ASIC5: variants seen among roughly 807,000 people sequenced by gnomAD.
The protein encoded by ASIC5 is acid sensing ion channel subunit family member 5, also known as bile acid-sensitive ion channel.
In ASIC5, 52 loss-of-function variants were observed where a neutral mutation model predicts 51.2. The observed-to-expected ratio is 1.02, with a 90% CI of 0.81 to 1.28. ASIC5 has a LOEUF of 1.28. Among genes scored for constraint, ASIC5 ranks in the 50% most tolerant of loss-of-function variants. The pLI, the probability that ASIC5 is intolerant of heterozygous loss-of-function variation, is 0.00. For synonymous variants in ASIC5, 231 were observed against 200.7 expected (o/e 1.15, Z -1.28); for missense variants, 635 against 595.0 (o/e 1.07, Z -0.70).
intron 9 of ASIC5, among the ~76,000 whole-genome samples, 167 bp from the exon 10 acceptor site, chr4:155,830,213 C>G (rs1334320129): frequency 1.3e-5 from 2 of 151,912 alleles, no homozygotes; most frequent in African/African-American, 4.8e-5. Flanking sequence ...TTGGTAATAT[C>G]AAAGTGGTAT....
chr4:155,852,396 T>C, intron 3 of ASIC5, 80 bp from the exon 4 acceptor site: 1 of 1,298,740 alleles, frequency 7.7e-7, no homozygotes. Flanking sequence ...ACCTTTTTTT[T>C]TAAAGCACAA....
At position 155,863,563 on chromosome 4, in the gene ASIC5, A is replaced by G. The variant is rs747396952; in HGVS notation, c.232T>C (p.Trp78Arg). 6.2e-7 allele frequency: 1 copy of G among 1,613,676 alleles called. No homozygotes were observed. Among genetic ancestry groups the G allele is most frequent in the Non-Finnish European group, 8.5e-7 (1 of 1,179,842 alleles). The change falls in exon 2 of 10, where the codon TGG (tryptophan) becomes CGG (arginine). Residue 78 changes from tryptophan to arginine, a missense_variant. By Grantham distance (101) the Trp-to-Arg change is moderately radical (BLOSUM62 -3). Transcript: ENST00000537611. ...VVLGSVSLVT[W>R]QIYIRLLNYF... ...TTGAGCAAGCGAATGTAGATCTGCC[A>G]TGTCACAAGTGAGACTGAGCCCAGA...
At chr4:155,864,913 A>C (rs1482642388) in intron 1 of ASIC5, 1 of 152,138 alleles carries the variant, frequency 6.6e-6, no homozygotes, top group Admixed American at 6.6e-5. Context: ...AGGTGAATTA[A>C]CTTTTATATC....
intron 2 of ASIC5, among the ~76,000 whole-genome samples, chr4:155,857,595 G>A (rs1044739045): frequency 2.6e-5 from 4 of 151,978 alleles, no homozygotes; most frequent in Non-Finnish European, 5.9e-5. Context: ...CTGCTAACCA[G>A]TTATTAGATA....
chr4:155,865,687 T>C (rs1741845124), intron 1 of ASIC5, among the ~76,000 whole-genome samples: 2 of 152,244 alleles, frequency 1.3e-5, no homozygotes, highest in South Asian at 4.1e-4. Context: ...ATAGAGTTTT[T>C]TTTATTATTG....
At chr4:155,844,425 C>T (rs887532195) in intron 4 of ASIC5, among the ~76,000 whole-genome samples, 3 of 152,072 alleles carry the variant, frequency 2.0e-5, no homozygotes, top group Non-Finnish European at 4.4e-5. Context: ...TCAGCTTGGG[C>T]CCCATCACTA....
At chr4:155,845,438 T>G (rs114322282) in intron 4 of ASIC5, among the ~76,000 whole-genome samples, 2,393 of 151,192 alleles carry the variant, frequency 0.016, 33 homozygotes, top group South Asian at 0.046. Context: ...CTGAATTCCG[T>G]TTTCACCTGA....
intron 8 of ASIC5, among the ~76,000 whole-genome samples, chr4:155,832,584 T>C (rs1406258424): frequency 6.6e-6 from 1 of 152,204 alleles, no homozygotes; most frequent in African/African-American, 2.4e-5. Flanking sequence ...CCTAGACCCC[T>C]ACCTTGAACT....
At chr4:155,838,666 C>T (rs1579285208) in intron 7 of ASIC5, 147 bp downstream of exon 7, 1 of 482,516 alleles carries the variant, frequency 2.1e-6, no homozygotes, top group Non-Finnish European at 3.7e-6. Context: ...TTGTTAGCTA[C>T]TATTTAAGAA....
intron 4 of ASIC5, among the ~76,000 whole-genome samples, chr4:155,846,203 T>C (rs540889628): frequency 1.8e-4 from 28 of 152,114 alleles, no homozygotes; most frequent in Non-Finnish European, 3.4e-4. Flanking sequence ...AGTAAAGTAA[T>C]ATCAGAAATG....
chr4:155,863,433 A>G lies in ASIC5; in HGVS notation c.347+15T>C. Reference sequence around the variant, plus strand: ...ATTTATAGGAACTAATTATTTTTAAAAAAGTAATTTTTACCTGTTCAAATT... The same window carrying G: ...ATTTATAGGAACTAATTATTTTTAAGAAAGTAATTTTTACCTGTTCAAATT... On this transcript the variant is annotated intron_variant, in intron 2 of 9. Coordinates refer to ENST00000537611, the MANE Select transcript of ASIC5 (RefSeq NM_017419.3). The G allele has an allele frequency of 6.3e-7, 1 of 1,587,610 alleles. No individual in the cohort carries two copies. The highest frequency in any genetic ancestry group is 1.4e-5 in the African/African-American group (1 of 73,782).
intron 2 of ASIC5, among the ~76,000 whole-genome samples, chr4:155,858,396 C>A (rs1209809492): frequency 6.6e-6 from 1 of 152,004 alleles, no homozygotes; most frequent in Non-Finnish European, 1.5e-5. Context: ...TATGGCTGTG[C>A]TATGGAACAT....
chr4:155,854,914 A>C (rs1343502641), intron 2 of ASIC5: 1 of 152,186 alleles, frequency 6.6e-6, no homozygotes, highest in Non-Finnish European at 1.5e-5. Context: ...GGTCATTCAC[A>C]CCATCAAGAT....
intron 6 of ASIC5, among the ~76,000 whole-genome samples, chr4:155,841,426 C>A (rs964312315): frequency 6.6e-6 from 1 of 152,090 alleles, no homozygotes; most frequent in African/African-American, 2.4e-5. Flanking sequence ...CATTTGACAG[C>A]AGAGGAGAGA....
In ASIC5 at chr4:155,863,639, A is replaced by G; in HGVS notation, c.156T>C (p.Asn52=). ...AISTSFHGIH[N]IVQNRSKIRR... Reference sequence around the variant, plus strand: ...GAATTTTGCTCCGGTTCTGAACAATATTGTGTATCCCATGAAAGGAAGTGG... The same window carrying G: ...GAATTTTGCTCCGGTTCTGAACAATGTTGTGTATCCCATGAAAGGAAGTGG... Residue 52 remains asparagine, a synonymous_variant, in exon 2 of 10, where the codon AAT becomes AAC. Coordinates refer to ENST00000537611, the MANE Select transcript of ASIC5 (RefSeq NM_017419.3). 3 of 1,613,868 alleles carry G rather than the reference A, an allele frequency of 1.9e-6. No individual in the cohort carries two copies. Among genetic ancestry groups the G allele is most frequent in the Non-Finnish European group, 2.5e-6 (3 of 1,179,924 alleles).
intron 2 of ASIC5, among the ~76,000 whole-genome samples, chr4:155,862,827 G>A (rs1431593202): frequency 6.6e-6 from 1 of 152,126 alleles, no homozygotes; most frequent in Admixed American, 6.6e-5. Context: ...TTGCAAAGTA[G>A]TTCCCTCTTC....
chr4:155,835,050 GCC>G (rs1310056137), intron 8 of ASIC5, among the ~76,000 whole-genome samples: 6 of 152,266 alleles, frequency 3.9e-5, no homozygotes, highest in African/African-American at 1.4e-4. Flanking sequence ...CATCCTTCGA[GCC>G]CGTGTGTAAT....
chr4:155,852,346 C>A, intron 3 of ASIC5, 30 bp from the exon 4 acceptor site: 2 of 1,565,374 alleles, frequency 1.3e-6, no homozygotes. Context: ...CAAAAAAAAC[C>A]ATCAATTTGA....
At chr4:155,832,685 T>C (rs948107595) in intron 8 of ASIC5, among the ~76,000 whole-genome samples, 19 of 152,148 alleles carry the variant, frequency 1.2e-4, no homozygotes, top group Non-Finnish European at 4.4e-5. Context: ...ATCCTTCACA[T>C]TTCCCTTATT....
Sources: allele counts gnomAD v4.1 joint callset (sites outside exome capture counted in the v4.1 genomes callset), GRCh38; gene constraint gnomAD v4.1.1; transcripts MANE v1.5; gene names NCBI Gene and HGNC (gene_info 2026-07-23, HGNC 2026-07-21).